Variants in PPP2R2C observed in about 807,000 individuals in gnomAD.
PPP2R2C encodes protein phosphatase 2 regulatory subunit Bgamma.
Under a neutral mutation model 45.3 loss-of-function variants are expected in PPP2R2C, and 10 were observed. The ratio of observed to expected loss-of-function variants is 0.22; its 90% CI spans 0.14 to 0.37. The LOEUF (loss-of-function observed/expected upper bound fraction) is 0.37. Among genes scored for constraint, PPP2R2C ranks in the 10% least tolerant of loss-of-function variants. The pLI is 1.00. For missense variants in PPP2R2C, 308 were observed against 619.7 expected (o/e 0.50, Z 5.34); for synonymous variants, 257 against 245.4 (o/e 1.05, Z -0.44).
chr4:6,475,427 T>C (rs974338560), upstream of PPP2R2C, among the ~76,000 whole-genome samples: 1 of 152,174 alleles, frequency 6.6e-6, no homozygotes, highest in African/African-American at 2.4e-5. Context: ...ATTGCATTTC[T>C]GCCATTCACA....
At chr4:6,501,375 G>A (rs761230578) in intron 2 of PPP2R2C, among the ~76,000 whole-genome samples, 19 of 152,122 alleles carry the variant, frequency 1.2e-4, no homozygotes, top group South Asian at 4.1e-4. Flanking sequence ...CAAGAATACA[G>A]GAATGGGGGC....
intron 1 of PPP2R2C, among the ~76,000 whole-genome samples, chr4:6,538,921 C>T (rs149890448): frequency 3.9e-5 from 6 of 152,266 alleles, no homozygotes; most frequent in South Asian, 2.1e-4. Context: ...AATATCGAGC[C>T]CGTTACACAG....
chr4:6,327,968 T>C (rs2109157697), intron 8 of PPP2R2C, among the ~76,000 whole-genome samples: 1 of 149,410 alleles, frequency 6.7e-6, no homozygotes, highest in Non-Finnish European at 1.5e-5. Flanking sequence ...GTCTCTGCCA[T>C]GTCCAGCCCT....
chr4:6,419,777 G>A (rs1174274656), intron 1 of PPP2R2C, among the ~76,000 whole-genome samples: 1 of 152,164 alleles, frequency 6.6e-6, no homozygotes, highest in Non-Finnish European at 1.5e-5. Context: ...TCTGAGGGAG[G>A]AGCCGCTCCC....
chr4:6,486,016 CAT>C (rs1722517183), intron 2 of PPP2R2C, among the ~76,000 whole-genome samples: 1 of 151,934 alleles, frequency 6.6e-6, no homozygotes, highest in Non-Finnish European at 1.5e-5. Flanking sequence ...TTCCAATATA[CAT>C]GTTTAGTGCT....
intron 5 of PPP2R2C, chr4:6,349,334 C>T (rs1252192719): frequency 2.0e-6 from 2 of 980,456 alleles, no homozygotes; most frequent in Non-Finnish European, 2.4e-6. Context: ...GAGTGAGTTC[C>T]CAGCTATCCA....
rs983108915 is a variant in PPP2R2C, at chr4:6,378,859, A to G, written c.169-287T>C. The stretch of plus-strand genomic sequence containing the variant: ...CTGCTACAAGCTGGACACCCCACTA[A>G]GTCCTCCCCGCACCATCGCATTCTA... On this transcript the variant is annotated intron_variant, in intron 2 of 8. Coordinates refer to ENST00000382599, the MANE Select transcript of PPP2R2C (RefSeq NM_020416.4). This position sits in a 1 kb window ranked among gnomAD's most constrained non-coding sequence, Gnocchi z 5.2. Among the ~76,000 whole-genome samples the G allele has an allele frequency of 9.9e-5, 15 of 151,824 alleles. No homozygotes were observed. The highest frequency in any genetic ancestry group is 3.4e-3 in the Middle Eastern group (1 of 294).
chr4:6,348,835 T>TC (rs1712256097), intron 5 of PPP2R2C: 5 of 653,882 alleles, frequency 7.6e-6, no homozygotes, highest in Non-Finnish European at 9.5e-6. Flanking sequence ...CTGAAGCCAT[T>TC]CCCCCCAGAC....
intron 1 of PPP2R2C, among the ~76,000 whole-genome samples, chr4:6,422,378 T>G (rs936249155): frequency 2.0e-5 from 3 of 152,128 alleles, no homozygotes; most frequent in Non-Finnish European, 4.4e-5. Context: ...GGCAAACGAG[T>G]TCACCTCTCT....
Position 6,509,602 on chromosome 4 carries a change from G to C in PPP2R2C, c.49+25669C>G, listed in dbSNP as rs539787127. On this transcript the variant is annotated intron_variant, in intron 2 of 9. Transcript: ENST00000506140. ...TTACCACGATCTCATTTAAGTGGCT[G>C]TGTCTGCCTCTAGTCCAACGAAGCC... Among the ~76,000 whole-genome samples the C allele has an allele frequency of 2.7e-3, 410 of 152,334 alleles. 1 individual carries two copies. Among genetic ancestry groups the C allele is most frequent in the African/African-American group, 9.1e-3 (380 of 41,572 alleles).
rs77376312 is a variant in PPP2R2C, at chr4:6,507,285, T to C, written c.49+27986A>G. On this transcript the variant is annotated intron_variant, in intron 2 of 9. Transcript: ENST00000506140. Reference sequence around the variant, plus strand: ...CAGCTATAAACTAAAAGGTTTGGCCTGGGTGATCTCGGAAGACCTTCCTGC... The same window carrying C: ...CAGCTATAAACTAAAAGGTTTGGCCCGGGTGATCTCGGAAGACCTTCCTGC... Among the ~76,000 whole-genome samples the C allele has an allele frequency of 1.1e-4, 17 of 152,216 alleles. 1 individual carries two copies. The highest frequency in any genetic ancestry group is 1.1e-3 in the Admixed American group (17 of 15,286).
intron 2 of PPP2R2C, among the ~76,000 whole-genome samples, chr4:6,500,841 G>A (rs2108793941): frequency 6.6e-6 from 1 of 152,336 alleles, no homozygotes; most frequent in Non-Finnish European, 1.5e-5. Context: ...AACCCTGCAG[G>A]GCCCTGAGGG....
intron 1 of PPP2R2C, among the ~76,000 whole-genome samples, chr4:6,452,579 AC>A (rs1239929134): frequency 6.6e-6 from 1 of 152,238 alleles, no homozygotes; most frequent in African/African-American, 2.4e-5. Flanking sequence ...TTAGAAGGAC[AC>A]AGTAGCCCTA....
At chr4:6,524,087 ATT>A (rs74633647) in intron 2 of PPP2R2C, among the ~76,000 whole-genome samples, 49 of 148,640 alleles carry the variant, frequency 3.3e-4, no homozygotes, top group East Asian at 6.0e-4. Flanking sequence ...CTAATTTTGT[ATT>A]TTTTTTTTTT....
intron 2 of PPP2R2C, among the ~76,000 whole-genome samples, chr4:6,478,911 G>A (rs1722257904): frequency 6.6e-6 from 1 of 152,200 alleles, no homozygotes; most frequent in East Asian, 1.9e-4. Flanking sequence ...AGACAGGGGT[G>A]GTGAGCTCAC....
At chr4:6,351,347 A>G (rs933185055) in intron 5 of PPP2R2C, 2 of 972,864 alleles carry the variant, frequency 2.1e-6, no homozygotes, top group East Asian at 1.1e-4. Flanking sequence ...ATTAATTAAT[A>G]AAAGTATGCA....
chr4:6,468,336 C>G (rs1234249461), intron 1 of PPP2R2C, among the ~76,000 whole-genome samples: 3 of 152,206 alleles, frequency 2.0e-5, no homozygotes, highest in Non-Finnish European at 4.4e-5. Flanking sequence ...CCCAAGCATC[C>G]TTCACTTCCT....
chr4:6,351,125 C>G (rs1477001396), intron 5 of PPP2R2C: 1 of 684,684 alleles, frequency 1.5e-6, no homozygotes, highest in Non-Finnish European at 1.8e-6. Context: ...ACCAACATAC[C>G]AAAACCCCGT....
At chr4:6,444,194 G>C (rs1347727070) in intron 1 of PPP2R2C, among the ~76,000 whole-genome samples, 1 of 152,216 alleles carries the variant, frequency 6.6e-6, no homozygotes, top group Non-Finnish European at 1.5e-5. Context: ...AACATGGCTA[G>C]AGGCAGTGGC....
Sources: allele counts gnomAD v4.1 joint callset (sites outside exome capture counted in the v4.1 genomes callset), GRCh38; gene constraint gnomAD v4.1.1; non-coding constraint Gnocchi (gnomAD v3.1); transcripts MANE v1.5; gene names NCBI Gene and HGNC (gene_info 2026-07-23, HGNC 2026-07-21).